Variants in FMN2 observed in about 807,000 individuals in gnomAD.
The protein encoded by FMN2 is formin 2.
FMN2 carries 51 observed loss-of-function variants against 142.3 expected under a neutral mutation model. That is an observed-to-expected ratio of 0.36 (90% CI 0.29 to 0.45). The LOEUF is 0.45. FMN2 is among the 20% of genes least tolerant of loss of function. The pLI is 1.00. For missense variants in FMN2, 1,936 were observed against 2,122.8 expected (o/e 0.91, Z 1.73); for synonymous variants, 882 against 869.8 (o/e 1.01, Z -0.25).
At chr1:240,354,124 A>T (rs910900128) in intron 13 of FMN2, among the ~76,000 whole-genome samples, 7 of 152,090 alleles carry the variant, frequency 4.6e-5, no homozygotes, top group Non-Finnish European at 8.8e-5. Context: ...TTTCAGGTTA[A>T]GCGGTTGGGT....
intron 4 of FMN2, among the ~76,000 whole-genome samples, chr1:240,197,415 G>T (rs770508539): frequency 2.0e-5 from 3 of 152,108 alleles, no homozygotes; most frequent in Admixed American, 6.6e-5. Flanking sequence ...ACCTGCGGAG[G>T]GGGTGGAGGG....
At chr1:240,124,082 A>G (rs1662402770) in intron 2 of FMN2, among the ~76,000 whole-genome samples, 1 of 152,228 alleles carries the variant, frequency 6.6e-6, no homozygotes, top group Non-Finnish European at 1.5e-5. Flanking sequence ...ATCAATGGAC[A>G]TGTGGGTTGT....
intron 15 of FMN2, among the ~76,000 whole-genome samples, chr1:240,437,705 A>G (rs1675446853): frequency 6.6e-6 from 1 of 152,142 alleles, no homozygotes; most frequent in Non-Finnish European, 1.5e-5. Context: ...CACATGGTTA[A>G]TATTTCATTT....
intron 2 of FMN2, among the ~76,000 whole-genome samples, chr1:240,166,905 T>C (rs999693819): frequency 2.6e-5 from 4 of 152,146 alleles, no homozygotes; most frequent in African/African-American, 4.8e-5. Flanking sequence ...GCGGATAACC[T>C]GAGGTCAGGA....
intron 16 of FMN2, among the ~76,000 whole-genome samples, chr1:240,468,260 GCA>G (rs1190175520): frequency 6.7e-6 from 1 of 148,580 alleles, no homozygotes; most frequent in Non-Finnish European, 1.5e-5. Flanking sequence ...ATATACATAT[GCA>G]CACACACATA....
intron 2 of FMN2, among the ~76,000 whole-genome samples, chr1:240,147,085 GGCT>G (rs1663516815): frequency 6.6e-6 from 1 of 152,092 alleles, no homozygotes; most frequent in Admixed American, 6.5e-5. Flanking sequence ...AGAAAATTGG[GGCT>G]TTTTTTTCTT....
chr1:240,216,790 T>C (rs1572077592), intron 6 of FMN2, among the ~76,000 whole-genome samples: 3 of 151,914 alleles, frequency 2.0e-5, no homozygotes, highest in Non-Finnish European at 4.4e-5. Context: ...CTACTAAAAA[T>C]ACAAAAAAAT....
intron 6 of FMN2, among the ~76,000 whole-genome samples, chr1:240,221,987 A>G (rs959444784): frequency 6.7e-6 from 1 of 148,342 alleles, no homozygotes; most frequent in Non-Finnish European, 1.5e-5. Flanking sequence ...AGCTGGGATT[A>G]TAGGTGCCCA....
chr1:240,359,796 G>A (rs1374093505), intron 14 of FMN2, among the ~76,000 whole-genome samples: 5 of 152,068 alleles, frequency 3.3e-5, no homozygotes, highest in South Asian at 2.1e-4. Flanking sequence ...TTGTTCTGAC[G>A]GCCACCTGGC....
Position 240,353,883 on chromosome 1 carries a change from A to T in FMN2, c.4766-1933A>T, listed in dbSNP as rs548704898. Among the ~76,000 whole-genome samples, 26 of 152,216 alleles carry T rather than the reference A, an allele frequency of 1.7e-4. No individual in the cohort carries two copies. In the Middle Eastern group the frequency reaches 0.01, roughly 60 times the overall value. On this transcript the variant is annotated intron_variant, in intron 13 of 17. Transcript: ENST00000319653. Reference sequence around the variant, plus strand: ...TCCTGCTTGGAGACAAGTGGCAGGGAATGGAGAAAAGCAGGCCCTGTGGGG... The same window carrying T: ...TCCTGCTTGGAGACAAGTGGCAGGGTATGGAGAAAAGCAGGCCCTGTGGGG...
intron 3 of FMN2, among the ~76,000 whole-genome samples, chr1:240,185,033 C>G (rs112430085): frequency 7.7e-3 from 115 of 14,994 alleles, no homozygotes; most frequent in African/African-American, 0.025. Context: ...CCTATACCTT[C>G]CCCCTTCTCT....
intron 13 of FMN2, among the ~76,000 whole-genome samples, chr1:240,335,423 T>C (rs566569792): frequency 6.6e-6 from 1 of 152,156 alleles, no homozygotes; most frequent in African/African-American, 2.4e-5. Context: ...AAGCTAAGAA[T>C]GAATTCTTAA....
At position 240,334,091 on chromosome 1, in the gene FMN2, G is replaced by C. The variant is rs1671476831; in HGVS notation, c.4645-18G>C. 2 of 1,578,006 alleles carry C rather than the reference G, an allele frequency of 1.3e-6. No individual in the cohort carries two copies. The highest frequency in any genetic ancestry group is 1.7e-6 in the Non-Finnish European group (2 of 1,169,512). On this transcript the variant is annotated intron_variant, in intron 12 of 17. Transcript: ENST00000319653. Reference sequence around the variant, plus strand: ...ATAACCAATTTCTTTAAATATGATGGGGTTTTTTGTTCATTAGGATGCTGG... The same window carrying C: ...ATAACCAATTTCTTTAAATATGATGCGGTTTTTTGTTCATTAGGATGCTGG...
intron 13 of FMN2, among the ~76,000 whole-genome samples, chr1:240,350,520 A>C (rs1672062774): frequency 6.6e-6 from 1 of 152,250 alleles, no homozygotes; most frequent in South Asian, 2.1e-4. Flanking sequence ...AAACAAATAC[A>C]TTCAATGAAA....
At chr1:240,261,418 T>A (rs1668626638) in intron 7 of FMN2, among the ~76,000 whole-genome samples, 1 of 152,048 alleles carries the variant, frequency 6.6e-6, no homozygotes, top group Non-Finnish European at 1.5e-5. Context: ...CCACCAGCAT[T>A]GGTTTATCTA....
chr1:240,413,366 T>A (rs1208507943), intron 15 of FMN2, among the ~76,000 whole-genome samples: 1 of 151,608 alleles, frequency 6.6e-6, no homozygotes, highest in Non-Finnish European at 1.5e-5. Context: ...AAGGGTGGGT[T>A]AAAGGCTCAT....
chr1:240,169,553 TC>T (rs1664618918), intron 2 of FMN2, among the ~76,000 whole-genome samples: 1 of 152,064 alleles, frequency 6.6e-6, no homozygotes, highest in Admixed American at 6.6e-5. Flanking sequence ...AGCCTCGACC[TC>T]CCCCCGGGCT....
At chr1:240,333,268 A>T (rs1309061427) in intron 11 of FMN2, among the ~76,000 whole-genome samples, 1 of 152,172 alleles carries the variant, frequency 6.6e-6, no homozygotes, top group Non-Finnish European at 1.5e-5. Flanking sequence ...TTTTAAATAG[A>T]AATATCCACA....
At chr1:240,113,557 CAAAAAAAAA>C (rs34741987) in intron 1 of FMN2, among the ~76,000 whole-genome samples, 3 of 88,498 alleles carry the variant, frequency 3.4e-5, no homozygotes, top group Admixed American at 2.9e-4. Context: ...GACTCCGTCT[CAAAAAAAAA>C]AAAAAAAAAA....
Sources: gnomAD v4.1 joint callset for allele counts (sites outside exome capture counted in the v4.1 genomes callset) on GRCh38, gnomAD v4.1.1 for gene constraint, MANE v1.5 for transcripts, NCBI Gene and HGNC (gene_info 2026-07-23, HGNC 2026-07-21) for gene names.